KAT14: variants seen among roughly 807,000 people sequenced by gnomAD.
KAT14 encodes the protein lysine acetyltransferase 14.
A neutral mutation model predicts 78.4 loss-of-function variants in KAT14; 66 were observed. The observed-to-expected ratio is 0.84, with a 90% CI of 0.69 to 1.03. The LOEUF is 1.03. Ranked by LOEUF, KAT14 falls within the 50% of genes least tolerant of loss-of-function variation. The pLI is 0.00. For missense variants in KAT14, 870 were observed against 972.5 expected (o/e 0.89, Z 1.40); for synonymous variants, 344 against 359.4 (o/e 0.96, Z 0.48).
intron 1 of KAT14, among the ~76,000 whole-genome samples, chr20:18,140,201 G>T (rs184037310): frequency 6.6e-6 from 1 of 152,184 alleles, no homozygotes; most frequent in East Asian, 1.9e-4. Context: ...GTATCGGTGT[G>T]TCATGGTGTA....
At chr20:18,175,385 C>T (rs564646635) in intron 7 of KAT14, among the ~76,000 whole-genome samples, 1 of 152,240 alleles carries the variant, frequency 6.6e-6, no homozygotes, top group East Asian at 1.9e-4. Context: ...TCTACCTCTC[C>T]CAGAGAAGTG....
intron 1 of KAT14, among the ~76,000 whole-genome samples, chr20:18,140,368 A>G (rs1468324664): frequency 1.3e-5 from 2 of 152,104 alleles, no homozygotes; most frequent in Admixed American, 1.3e-4. Flanking sequence ...CTCATAATGA[A>G]GCTGTAGGCC....
chr20:18,157,997 G>A (rs893285971), intron 4 of KAT14, among the ~76,000 whole-genome samples: 2 of 152,110 alleles, frequency 1.3e-5, no homozygotes, highest in Non-Finnish European at 2.9e-5. Flanking sequence ...GAGTGCAATG[G>A]TGCAGTCTTG....
chr20:18,162,339 T>C, intron 6 of KAT14, 38 bp from the exon 7 acceptor site: 4 of 1,602,336 alleles, frequency 2.5e-6, no homozygotes, highest in Non-Finnish European at 3.4e-6. Context: ...ATTTCTTCCT[T>C]CCTATGTCTT....
intron 1 of KAT14, chr20:18,138,297 C>T (rs1600210715): frequency 1.7e-6 from 2 of 1,196,056 alleles, no homozygotes; most frequent in Non-Finnish European, 2.1e-6. Flanking sequence ...GGCTTAGCGC[C>T]TTTGGAGCTC....
At chr20:18,164,570 T>C (rs2038565410) in intron 7 of KAT14, among the ~76,000 whole-genome samples, 1 of 151,768 alleles carries the variant, frequency 6.6e-6, no homozygotes, top group South Asian at 2.1e-4. Flanking sequence ...AGTCATTTGC[T>C]GCTTGTTCAT....
intron 5 of KAT14, among the ~76,000 whole-genome samples, chr20:18,161,116 G>A (rs556840373): frequency 5.3e-5 from 8 of 151,292 alleles, no homozygotes; most frequent in Admixed American, 6.6e-5. Context: ...GGAGGTTGCA[G>A]TGAGCCGAGA....
intron 1 of KAT14, among the ~76,000 whole-genome samples, chr20:18,141,713 G>A (rs892114558): frequency 2.0e-5 from 3 of 152,032 alleles, no homozygotes; most frequent in East Asian, 3.9e-4. Flanking sequence ...GTGAAACCCC[G>A]TCTCTACTAA....
intron 7 of KAT14, among the ~76,000 whole-genome samples, chr20:18,171,931 C>T (rs1416319682): frequency 6.6e-6 from 1 of 152,198 alleles, no homozygotes; most frequent in African/African-American, 2.4e-5. Flanking sequence ...CCACCCTGAT[C>T]AGTTGGCAAC....
intron 1 of KAT14, chr20:18,138,432 TA>T: frequency 4.0e-6 from 4 of 1,002,870 alleles, no homozygotes; most frequent in Non-Finnish European, 4.8e-6. Flanking sequence ...CTTGGGCCGC[TA>T]GAAAATAGAA....
At chr20:18,173,044 G>C (rs1057188020) in intron 7 of KAT14, among the ~76,000 whole-genome samples, 1 of 152,198 alleles carries the variant, frequency 6.6e-6, no homozygotes, top group Non-Finnish European at 1.5e-5. Flanking sequence ...GTTAGGCTCT[G>C]ATTAAATCCC....
At chr20:18,139,054 CTGTGCTA>C (rs1568660743) in intron 1 of KAT14, among the ~76,000 whole-genome samples, 1 of 152,182 alleles carries the variant, frequency 6.6e-6, no homozygotes. Flanking sequence ...GACCTTTGGA[CTGTGCTA>C]TGTGCTTGAT....
At chr20:18,143,260 C>A in intron 2 of KAT14, 2 of 806,420 alleles carry the variant, frequency 2.5e-6, no homozygotes, top group Non-Finnish European at 1.6e-6. Flanking sequence ...AATTCATGTT[C>A]AAGTTTATAA....
At chr20:18,145,456 G>A (rs1218864842) in intron 3 of KAT14, 105 bp downstream of exon 3, 8 of 1,481,174 alleles carry the variant, frequency 5.4e-6, no homozygotes, top group African/African-American at 1.4e-5. Context: ...TGTTTGGAGG[G>A]GCACTTTTTA....
At chr20:18,141,653 G>A (rs2037586533) in intron 1 of KAT14, among the ~76,000 whole-genome samples, 1 of 152,200 alleles carries the variant, frequency 6.6e-6, no homozygotes, top group Non-Finnish European at 1.5e-5. Context: ...GGAGGCTGAG[G>A]CAGGTGGATT....
At chr20:18,138,311 G>A (rs1462057999) in intron 1 of KAT14, 2 of 1,173,992 alleles carry the variant, frequency 1.7e-6, no homozygotes, top group East Asian at 3.9e-5. Flanking sequence ...GGAGCTCCGC[G>A]CTGAAGGGGC....
chr20:18,176,370 G>A (rs1163036072), intron 7 of KAT14, among the ~76,000 whole-genome samples: 2 of 151,662 alleles, frequency 1.3e-5, no homozygotes, highest in African/African-American at 2.4e-5. Context: ...AGACAGAGTA[G>A]GTCCCTGTCC....
chr20:18,138,378 C>G (rs2037382774), intron 1 of KAT14: 1 of 1,057,064 alleles, frequency 9.5e-7, no homozygotes, highest in African/African-American at 1.7e-5. Context: ...GCTCTGTTTT[C>G]AAGTCACAGC....
At chr20:18,157,272 A>G (rs1417642261) in intron 4 of KAT14, among the ~76,000 whole-genome samples, 2 of 152,144 alleles carry the variant, frequency 1.3e-5, no homozygotes, top group Non-Finnish European at 2.9e-5. Context: ...CTGGAGTGCA[A>G]TGGCACAGTA....
Sources: gnomAD v4.1 joint callset for allele counts (sites outside exome capture counted in the v4.1 genomes callset) on GRCh38, gnomAD v4.1.1 for gene constraint, MANE v1.5 for transcripts, NCBI Gene and HGNC (gene_info 2026-07-23, HGNC 2026-07-21) for gene names.